The following PTPN2 variants were observed in gnomAD, a reference collection of about 807,000 sequenced individuals.
PTPN2 encodes the protein protein tyrosine phosphatase non-receptor type 2.
Under a neutral mutation model 57.3 loss-of-function variants are expected in PTPN2, and 19 were observed. The ratio of observed to expected loss-of-function variants is 0.33; its 90% CI spans 0.23 to 0.49. PTPN2 has a LOEUF of 0.49. PTPN2 is among the 20% of genes least tolerant of loss of function. PTPN2 has a pLI of 0.99. For synonymous variants in PTPN2, 153 were observed against 164.9 expected (o/e 0.93, Z 0.55); for missense variants, 358 against 501.1 (o/e 0.71, Z 2.73).
chr18:12,847,879 A>G (rs2043266408), intron 2 of PTPN2, among the ~76,000 whole-genome samples: 2 of 151,502 alleles, frequency 1.3e-5, no homozygotes, highest in South Asian at 4.2e-4. Flanking sequence ...GATTACAGGC[A>G]TAAGCCACTG....
At chr18:12,855,363 TAGAA>T (rs1210518986) in intron 2 of PTPN2, among the ~76,000 whole-genome samples, 3 of 150,750 alleles carry the variant, frequency 2.0e-5, no homozygotes, top group East Asian at 2.0e-4. Flanking sequence ...AGTTATGAGA[TAGAA>T]AGAGGCTGAA....
intron 7 of PTPN2, among the ~76,000 whole-genome samples, chr18:12,802,689 G>A (rs187060652): frequency 2.0e-5 from 3 of 152,252 alleles, no homozygotes; most frequent in East Asian, 1.9e-4. Flanking sequence ...ACCTGTACAC[G>A]CCAAGAAAGA....
intron 2 of PTPN2, among the ~76,000 whole-genome samples, chr18:12,851,032 G>A (rs532716112): frequency 3.3e-5 from 5 of 152,154 alleles, no homozygotes; most frequent in Non-Finnish European, 7.4e-5. Flanking sequence ...GAGCCACAGC[G>A]CCCAGCCAGG....
chr18:12,817,898 T>C (rs2145319959), intron 5 of PTPN2, among the ~76,000 whole-genome samples: 1 of 152,350 alleles, frequency 6.6e-6, no homozygotes, highest in Non-Finnish European at 1.5e-5. Context: ...CCCAGCACTT[T>C]GGGAGGCCGA....
At chr18:12,864,599 C>T (rs1013886048) in intron 1 of PTPN2, among the ~76,000 whole-genome samples, 3 of 151,988 alleles carry the variant, frequency 2.0e-5, no homozygotes, top group African/African-American at 7.3e-5. Context: ...GGGGTTTCAC[C>T]GTGTTAGCCA....
intron 7 of PTPN2, among the ~76,000 whole-genome samples, chr18:12,807,017 A>G (rs2041676665): frequency 6.6e-6 from 1 of 152,236 alleles, no homozygotes; most frequent in Non-Finnish European, 1.5e-5. Flanking sequence ...ATGGAAGAAA[A>G]TATCTGCAAA....
chr18:12,793,703 T>G lies in PTPN2; in HGVS notation c.*575A>C. On this transcript the variant is annotated 3_prime_UTR_variant, in exon 9 of 9. Coordinates refer to ENST00000309660, the MANE Select transcript of PTPN2 (RefSeq NM_002828.4). Reference sequence around the variant, plus strand: ...TACAATTCAATCGACATACAATTTATTTTTTTAGTAACAGATTTTTCAAAT... The same window carrying G: ...TACAATTCAATCGACATACAATTTAGTTTTTTAGTAACAGATTTTTCAAAT... 2.0e-6 allele frequency: 2 copies of G among 977,306 alleles called. No homozygotes were observed. Among genetic ancestry groups the G allele is most frequent in the Non-Finnish European group, 2.4e-6 (2 of 822,154 alleles). 60.5% of individuals were successfully genotyped at this position (977,306 alleles called of 1,614,324 possible).
chr18:12,875,730 C>T (rs554527349), intron 1 of PTPN2, among the ~76,000 whole-genome samples: 1 of 152,294 alleles, frequency 6.6e-6, no homozygotes, highest in South Asian at 2.1e-4. Flanking sequence ...CAGACCTTAT[C>T]TGTCCATCTC....
At chr18:12,837,994 T>A (rs16939910) in intron 2 of PTPN2, among the ~76,000 whole-genome samples, 44,488 of 151,952 alleles carry the variant, frequency 0.29, 6,997 homozygotes, top group South Asian at 0.55. Context: ...CACTTTTTTT[T>A]AAAAATCACT....
intron 2 of PTPN2, among the ~76,000 whole-genome samples, chr18:12,842,463 G>A (rs2043077385): frequency 6.6e-6 from 1 of 152,174 alleles, no homozygotes; most frequent in South Asian, 2.1e-4. Context: ...AGAGGGGCAG[G>A]TTGCAATTCT....
intron 3 of PTPN2, among the ~76,000 whole-genome samples, chr18:12,835,673 G>A (rs989571403): frequency 6.6e-6 from 1 of 152,094 alleles, no homozygotes; most frequent in Admixed American, 6.5e-5. Flanking sequence ...TCCGCGCCTG[G>A]CCGATCACAT....
At chr18:12,813,245 C>G (rs751653783) in intron 7 of PTPN2, among the ~76,000 whole-genome samples, 3 of 152,168 alleles carry the variant, frequency 2.0e-5, no homozygotes, top group Non-Finnish European at 4.4e-5. Context: ...TCTTAAACAT[C>G]TGAAATAACT....
intron 7 of PTPN2, among the ~76,000 whole-genome samples, chr18:12,812,250 T>C (rs1441511133): frequency 6.6e-6 from 1 of 152,232 alleles, no homozygotes; most frequent in Non-Finnish European, 1.5e-5. Context: ...TTGGAAGTTT[T>C]CTGTAAATGA....
intron 1 of PTPN2, among the ~76,000 whole-genome samples, chr18:12,879,449 T>C (rs2044597546): frequency 6.6e-6 from 1 of 152,196 alleles, no homozygotes; most frequent in Non-Finnish European, 1.5e-5. Flanking sequence ...CATAAATATA[T>C]CAAGTTGCCC....
chr18:12,834,476 CTG>C, intron 3 of PTPN2, among the ~76,000 whole-genome samples: 1 of 152,128 alleles, frequency 6.6e-6, no homozygotes, highest in Admixed American at 6.5e-5. Flanking sequence ...AAATTTTTAA[CTG>C]TTATTATTTC....
chr18:12,882,723 G>T (rs1031826762), intron 1 of PTPN2, among the ~76,000 whole-genome samples: 1 of 152,154 alleles, frequency 6.6e-6, no homozygotes, highest in Non-Finnish European at 1.5e-5. Context: ...CTGTATCATG[G>T]GAATCAGAAT....
intron 7 of PTPN2, among the ~76,000 whole-genome samples, chr18:12,813,325 G>T (rs781339239): frequency 6.6e-6 from 1 of 152,204 alleles, no homozygotes; most frequent in Admixed American, 6.5e-5. Context: ...AAAGTCTGGC[G>T]TCTGAAGCAG....
At chr18:12,795,434 C>G (rs1234393774) in intron 8 of PTPN2, among the ~76,000 whole-genome samples, 1 of 152,172 alleles carries the variant, frequency 6.6e-6, no homozygotes. Flanking sequence ...GCTGGGATTA[C>G]AGACGTGCAC....
chr18:12,844,496 A>G (rs1471216262), intron 2 of PTPN2, among the ~76,000 whole-genome samples: 3 of 152,150 alleles, frequency 2.0e-5, no homozygotes, highest in African/African-American at 7.2e-5. Context: ...TCCCACCACC[A>G]TGATTTTAAT....
Sources: allele counts gnomAD v4.1 joint callset (sites outside exome capture counted in the v4.1 genomes callset), GRCh38; gene constraint gnomAD v4.1.1; transcripts MANE v1.5; gene names NCBI Gene and HGNC (gene_info 2026-07-23, HGNC 2026-07-21).